Variants in GBF1 observed in about 807,000 individuals in gnomAD.
GBF1 encodes the protein golgi brefeldin A resistant guanine nucleotide exchange factor 1, also known as Golgi-specific brefeldin A-resistance guanine nucleotide exchange factor 1.
Under a neutral mutation model 210.5 loss-of-function variants are expected in GBF1, and 114 were observed. The observed-to-expected ratio is 0.54, with a 90% CI of 0.47 to 0.63. The LOEUF is 0.63. GBF1 is among the 30% of genes least tolerant of loss of function. GBF1 has a pLI of 0.00. For synonymous variants in GBF1, 850 were observed against 889.2 expected (o/e 0.96, Z 0.78); for missense variants, 1,851 against 2,357.7 (o/e 0.79, Z 4.45).
At chr10:102,336,307 A>G (rs1215689297) in intron 3 of GBF1, among the ~76,000 whole-genome samples, 1 of 146,664 alleles carries the variant, frequency 6.8e-6, no homozygotes, top group Non-Finnish European at 1.5e-5. Flanking sequence ...CTCAAAAAAA[A>G]AAAAAAAGAA....
chr10:102,374,307 G>A (rs920757421), intron 29 of GBF1, among the ~76,000 whole-genome samples: 15 of 151,722 alleles, frequency 9.9e-5, no homozygotes, highest in African/African-American at 3.6e-4. Context: ...CTGAGATCCT[G>A]CCTGCACTCT....
rs145932514 is a variant in GBF1, at chr10:102,314,519, G to A, written c.164-29532G>A. Among the ~76,000 whole-genome samples, 11 of 152,188 alleles carry A rather than the reference G, an allele frequency of 7.2e-5. No individual in the cohort carries two copies. The East Asian group carries it at 2.1e-3, about 29-fold the overall frequency. ...AAGTTTTAAGAGTAACGGTTCAAAT[G>A]GAGCTTTCTCTACAATTTAACTTCC... On this transcript the variant is annotated intron_variant, in intron 3 of 39. Transcript: ENST00000369983.
intron 3 of GBF1, among the ~76,000 whole-genome samples, chr10:102,330,136 AAAACAAAC>A (rs747025533): frequency 6.6e-6 from 1 of 151,988 alleles, no homozygotes; most frequent in African/African-American, 2.4e-5. Flanking sequence ...ACTCTGTCTC[AAAACAAAC>A]AAACAAACAA....
intron 3 of GBF1, among the ~76,000 whole-genome samples, chr10:102,263,270 A>G (rs2073454542): frequency 6.6e-6 from 1 of 152,174 alleles, no homozygotes; most frequent in Admixed American, 6.5e-5. Context: ...GAAGCTTATT[A>G]ATGGTAGGAG....
chr10:102,258,046 T>C (rs1461662210), intron 1 of GBF1, among the ~76,000 whole-genome samples: 1 of 152,126 alleles, frequency 6.6e-6, no homozygotes, highest in Non-Finnish European at 1.5e-5. Context: ...TTGACTCGCT[T>C]TGAGTTGTAT....
At chr10:102,369,812 G>A in intron 25 of GBF1, 37 bp downstream of exon 25, 1 of 1,614,128 alleles carries the variant, frequency 6.2e-7, no homozygotes, top group Non-Finnish European at 8.5e-7. Context: ...CTTGGGGAGG[G>A]AGAGTCAGAA....
intron 3 of GBF1, among the ~76,000 whole-genome samples, chr10:102,262,212 G>A (rs1185697389): frequency 6.6e-6 from 1 of 152,156 alleles, no homozygotes; most frequent in African/African-American, 2.4e-5. Flanking sequence ...AGCTAAGAAG[G>A]ATCAAGTATA....
chr10:102,310,001 T>C lies in GBF1; in HGVS notation c.164-34050T>C, dbSNP rs2078267355. Among the ~76,000 whole-genome samples the C allele has an allele frequency of 2.6e-5, 4 of 152,256 alleles. No individual in the cohort carries two copies. In the South Asian group the frequency reaches 6.2e-4, roughly 24 times the overall value. ...TACAACCAACTGTATTTTAAACATA[T>C]ATAGTCCTCATCTTTTCTGTTGGGC... On this transcript the variant is annotated intron_variant, in intron 3 of 39. Coordinates refer to ENST00000369983, the MANE Select transcript of GBF1 (RefSeq NM_001377137.1).
At chr10:102,326,161 G>A (rs868411584) in intron 3 of GBF1, among the ~76,000 whole-genome samples, 4 of 152,178 alleles carry the variant, frequency 2.6e-5, no homozygotes, top group African/African-American at 7.2e-5. Context: ...CGCTATCTGA[G>A]TTCTAAGTGC....
chr10:102,247,865 T>G (rs1337500101), intron 1 of GBF1, among the ~76,000 whole-genome samples: 3 of 152,190 alleles, frequency 2.0e-5, no homozygotes, highest in African/African-American at 7.2e-5. Context: ...ACATATCTCC[T>G]CAGTAGCTGG....
At chr10:102,362,050 C>CTTTTTTTTTTTT (rs1164670758) in intron 14 of GBF1, 138 bp downstream of exon 14, 35 of 124,746 alleles carry the variant, frequency 2.8e-4, no homozygotes, top group African/African-American at 3.6e-4. Context: ...CTTTTCTTTT[C>CTTTTTTTTTTTT]TTTTTTTTTT....
chr10:102,293,762 A>G (rs1385434270), intron 3 of GBF1, among the ~76,000 whole-genome samples: 1 of 44,572 alleles, frequency 2.2e-5, no homozygotes, highest in Non-Finnish European at 4.2e-5. Context: ...CAGCTGTAGT[A>G]TGTTTTGTGT....
intron 3 of GBF1, among the ~76,000 whole-genome samples, chr10:102,279,746 C>T (rs1202387975): frequency 6.6e-6 from 1 of 152,052 alleles, no homozygotes; most frequent in African/African-American, 2.4e-5. Context: ...ATTGTTATTA[C>T]TACGGAGAAT....
chr10:102,307,149 A>G (rs1248833811), intron 3 of GBF1, among the ~76,000 whole-genome samples: 1 of 151,748 alleles, frequency 6.6e-6, no homozygotes, highest in Non-Finnish European at 1.5e-5. Flanking sequence ...ATCCCAGGAA[A>G]AGTATTGCTT....
At chr10:102,302,346 C>A (rs1277873074) in intron 3 of GBF1, among the ~76,000 whole-genome samples, 2 of 152,028 alleles carry the variant, frequency 1.3e-5, no homozygotes, top group Non-Finnish European at 2.9e-5. Flanking sequence ...TATACTAAAA[C>A]ACATTGAATT....
chr10:102,256,244 C>G (rs1035851152), intron 1 of GBF1, among the ~76,000 whole-genome samples: 3 of 152,082 alleles, frequency 2.0e-5, no homozygotes, highest in African/African-American at 7.2e-5. Flanking sequence ...CTGCGCATGG[C>G]CCCTGGACAA....
intron 1 of GBF1, among the ~76,000 whole-genome samples, chr10:102,252,858 A>G (rs1565013740): frequency 1.3e-5 from 2 of 151,778 alleles, no homozygotes; most frequent in South Asian, 2.1e-4. Context: ...AAAAAAAAAA[A>G]GGAACTTTTT....
At chr10:102,333,008 C>T (rs1365351426) in intron 3 of GBF1, among the ~76,000 whole-genome samples, 1 of 152,204 alleles carries the variant, frequency 6.6e-6, no homozygotes, top group Non-Finnish European at 1.5e-5. Context: ...TGTGCATTTA[C>T]TTCCAAATGG....
intron 2 of GBF1, 128 bp from the exon 3 acceptor site, chr10:102,259,922 T>C: frequency 1.6e-6 from 1 of 609,712 alleles, no homozygotes; most frequent in Non-Finnish European, 3.0e-6. Flanking sequence ...GCTAATTTTC[T>C]TTTCCTCAGA....
Sources: allele counts gnomAD v4.1 joint callset (sites outside exome capture counted in the v4.1 genomes callset), GRCh38; gene constraint gnomAD v4.1.1; transcripts MANE v1.5; gene names NCBI Gene and HGNC (gene_info 2026-07-23, HGNC 2026-07-21).